GAB1: variants seen among roughly 807,000 people sequenced by gnomAD.
The protein encoded by GAB1 is GRB2 associated binding protein 1.
Under a neutral mutation model 66.5 loss-of-function variants are expected in GAB1, and 19 were observed. That is an observed-to-expected ratio of 0.29 (90% CI 0.20 to 0.42). GAB1 has a LOEUF of 0.42. Among genes scored for constraint, GAB1 ranks in the 10% least tolerant of loss-of-function variants. The pLI is 1.00. For synonymous variants in GAB1, 294 were observed against 301.4 expected (o/e 0.98, Z 0.25); for missense variants, 732 against 858.5 (o/e 0.85, Z 1.84).
intron 1 of GAB1, among the ~76,000 whole-genome samples, chr4:143,340,284 G>A (rs527289680): frequency 1.3e-4 from 20 of 152,238 alleles, no homozygotes; most frequent in African/African-American, 4.8e-4. Context: ...TGTGGATAAT[G>A]ATTTGTAATG....
At chr4:143,403,798 A>G (rs1256117548) in intron 1 of GAB1, among the ~76,000 whole-genome samples, 3 of 152,374 alleles carry the variant, frequency 2.0e-5, no homozygotes, top group Middle Eastern at 3.4e-3. Context: ...TGTAGTTTAT[A>G]GTCAGTAGCT....
chr4:143,380,321 A>T (rs1730605779), intron 1 of GAB1, among the ~76,000 whole-genome samples: 1 of 152,132 alleles, frequency 6.6e-6, no homozygotes, highest in African/African-American at 2.4e-5. Flanking sequence ...TATAAAATCA[A>T]ACTAATTTAT....
At chr4:143,434,733 A>G (rs1337206101) in intron 3 of GAB1, among the ~76,000 whole-genome samples, 1 of 152,050 alleles carries the variant, frequency 6.6e-6, no homozygotes. Context: ...GCCTGTCCCA[A>G]ATTCTTGGTT....
intron 1 of GAB1, among the ~76,000 whole-genome samples, chr4:143,396,677 A>G (rs554394017): frequency 2.0e-5 from 3 of 152,190 alleles, no homozygotes; most frequent in Non-Finnish European, 4.4e-5. Context: ...CTGATAAGAG[A>G]CTGGATTCAG....
chr4:143,432,883 C>A (rs935375428), intron 2 of GAB1, among the ~76,000 whole-genome samples: 8 of 152,084 alleles, frequency 5.3e-5, no homozygotes, highest in Non-Finnish European at 7.4e-5. Context: ...CTACAAAAAT[C>A]CACTAAATGG....
chr4:143,341,703 G>T (rs184657375), intron 1 of GAB1, among the ~76,000 whole-genome samples: 4 of 152,204 alleles, frequency 2.6e-5, no homozygotes, highest in Admixed American at 6.5e-5. Flanking sequence ...CACACCCCTG[G>T]TTCTGGAAAT....
At position 143,370,525 on chromosome 4, in the gene GAB1, C is replaced by A. The variant is rs369229810; in HGVS notation, c.72+33265C>A. ...GCAGATGTTATAGTGAGTGGGATAT[C>A]CCTGCTGTCCTCATTGATAGTACAG... On this transcript the variant is annotated intron_variant, in intron 1 of 9. Coordinates refer to ENST00000262994, the MANE Select transcript of GAB1 (RefSeq NM_002039.4). Among the ~76,000 whole-genome samples the A allele has an allele frequency of 6.6e-5, 10 of 152,196 alleles. No individual in the cohort carries two copies. The East Asian group carries it at 1.7e-3, about 26-fold the overall frequency.
intron 1 of GAB1, among the ~76,000 whole-genome samples, chr4:143,373,016 C>T (rs939240573): frequency 2.0e-5 from 3 of 150,696 alleles, no homozygotes; most frequent in Admixed American, 6.6e-5. Context: ...ATTTTAGTAA[C>T]GCATCTGAGG....
At chr4:143,354,367 A>G (rs1729357234) in intron 1 of GAB1, among the ~76,000 whole-genome samples, 1 of 152,004 alleles carries the variant, frequency 6.6e-6, no homozygotes. Flanking sequence ...TTTCCAATGA[A>G]TATTTATATT....
rs1226252207 is a variant in GAB1, at chr4:143,473,054, A to G, written c.*3865A>G. 1 of 152,178 alleles carries G rather than the reference A, an allele frequency of 6.6e-6. No homozygotes were observed. The highest frequency in any genetic ancestry group is 1.5e-5 in the Non-Finnish European group (1 of 68,014). The allele number at this position is 152,178 out of a possible 1,614,324, so 9.4% of individuals were successfully genotyped here. On this transcript the variant is annotated 3_prime_UTR_variant, in exon 10 of 10. Transcript: ENST00000262994. The stretch of plus-strand genomic sequence containing the variant: ...ATTTGTCTTCTATAGACTTAATTTT[A>G]TTCCGGTTCAGTATAATCTCTGTTA...
chr4:143,404,378 G>A (rs1211911957), intron 1 of GAB1, among the ~76,000 whole-genome samples: 1 of 152,206 alleles, frequency 6.6e-6, no homozygotes, highest in Admixed American at 6.5e-5. Context: ...GTGGAACACA[G>A]TGAAACTAGG....
chr4:143,354,236 G>T (rs1339495139), intron 1 of GAB1, among the ~76,000 whole-genome samples: 2 of 151,852 alleles, frequency 1.3e-5, no homozygotes, highest in African/African-American at 4.8e-5. Context: ...CGTACACTTG[G>T]TATATATCTT....
intron 1 of GAB1, among the ~76,000 whole-genome samples, chr4:143,374,865 C>T (rs1285774646): frequency 2.6e-5 from 4 of 152,186 alleles, no homozygotes; most frequent in Non-Finnish European, 4.4e-5. Context: ...ATCTGGCCTT[C>T]CTTACTTACC....
chr4:143,373,868 A>ATATATATATATATATAT (rs1560725949), intron 1 of GAB1, among the ~76,000 whole-genome samples: 2,373 of 93,302 alleles, frequency 0.025, 260 homozygotes, highest in Non-Finnish European at 0.033. Flanking sequence ...TAAATAAATA[A>ATATATATATATATATAT]ATATATATAT....
chr4:143,415,880 T>G (rs1732653981), intron 2 of GAB1, 109 bp downstream of exon 2: 1 of 859,490 alleles, frequency 1.2e-6, no homozygotes, highest in African/African-American at 1.7e-5. Flanking sequence ...TGTTTTATTT[T>G]TATAATAGGA....
At position 143,415,639 on chromosome 4, in the gene GAB1, T is replaced by C. The variant is rs775353944; in HGVS notation, c.235T>C (p.Phe79Leu). ...TGGATTGACATTTAACAAAAAAGAG[T>C]TTGAAAACAGCTACATTTTTGATAT... ...DAGLTFNKKE[F>L]ENSYIFDINT... Residue 79 changes from phenylalanine to leucine, a missense_variant, in exon 2 of 10, where the codon TTT (phenylalanine) becomes CTT (leucine). Physicochemically the swap from Phe to Leu is conservative, Grantham distance 22 (BLOSUM62 0). Around this residue, in one of 4 missense-constraint regions of GAB1, gnomAD observed 66 missense variants for 130.3 expected, o/e 0.51. Coordinates refer to ENST00000262994, the MANE Select transcript of GAB1 (RefSeq NM_002039.4). The C allele has an allele frequency of 6.2e-7, 1 of 1,614,050 alleles. No individual in the cohort carries two copies. Among genetic ancestry groups the C allele is most frequent in the Non-Finnish European group, 8.5e-7 (1 of 1,179,920 alleles).
intron 2 of GAB1, among the ~76,000 whole-genome samples, chr4:143,430,894 C>G (rs1022781339): frequency 2.0e-5 from 3 of 152,156 alleles, no homozygotes; most frequent in African/African-American, 7.2e-5. Flanking sequence ...TTATCTAATT[C>G]AAAACAATCC....
At chr4:143,379,973 C>T (rs777862450) in intron 1 of GAB1, among the ~76,000 whole-genome samples, 3 of 150,470 alleles carry the variant, frequency 2.0e-5, no homozygotes, top group African/African-American at 4.9e-5. Context: ...GCTTACAATA[C>T]AGTATTATAT....
chr4:143,442,058 T>C (rs1371459818), intron 6 of GAB1, among the ~76,000 whole-genome samples: 1 of 151,972 alleles, frequency 6.6e-6, no homozygotes, highest in East Asian at 1.9e-4. Flanking sequence ...TTTCTTTGTC[T>C]CTAAATCTAT....
Sources: gnomAD v4.1 joint callset for allele counts (sites outside exome capture counted in the v4.1 genomes callset) on GRCh38, gnomAD v4.1.1 for gene constraint, gnomAD v4.1.1 regional missense constraint, MANE v1.5 for transcripts, NCBI Gene and HGNC (gene_info 2026-07-23, HGNC 2026-07-21) for gene names.